Variants in SHCBP1 observed in about 807,000 individuals in gnomAD.
SHCBP1 encodes SHC SH2 domain-binding protein 1.
Under a neutral mutation model 75.1 loss-of-function variants are expected in SHCBP1, and 60 were observed. The ratio of observed to expected loss-of-function variants is 0.80; its 90% CI spans 0.65 to 0.99. SHCBP1 has a LOEUF of 0.99. Among genes scored for constraint, SHCBP1 ranks in the 50% least tolerant of loss-of-function variants. The pLI, the probability that SHCBP1 is intolerant of heterozygous loss-of-function variation, is 0.00. For missense variants in SHCBP1, 709 were observed against 809.4 expected (o/e 0.88, Z 1.50); for synonymous variants, 290 against 293.2 (o/e 0.99, Z 0.11).
chr16:46,587,651 C>T (rs753526766), intron 10 of SHCBP1, among the ~76,000 whole-genome samples: 3 of 152,026 alleles, frequency 2.0e-5, no homozygotes, highest in South Asian at 2.1e-4. Context: ...ACAGGAGCAC[C>T]GGATTCATAA....
chr16:46,611,708 T>C (rs1291584835), intron 4 of SHCBP1, among the ~76,000 whole-genome samples: 1 of 152,202 alleles, frequency 6.6e-6, no homozygotes, highest in Non-Finnish European at 1.5e-5. Flanking sequence ...ATTGGTTTCA[T>C]TAACATCACA....
At position 46,609,442 on chromosome 16, in the gene SHCBP1, CTTTTTTTTT is replaced by C. The variant is rs71158875; in HGVS notation, c.597-1062_597-1054del. 5.5e-3 allele frequency among the ~76,000 whole-genome samples: 337 copies of C among 61,384 alleles called. 2 individuals carry two copies. The highest frequency in any genetic ancestry group is 0.021 in the African/African-American group (320 of 15,004). The allele number at this position is 61,384 out of a possible 152,430, so 40.3% of individuals were successfully genotyped here. ...TCATCAGCATCCACACTTTTCTTTTCTTTTTTTTTTTTTTTTTTTTTTTTTTGAGATGGA... is the reference window on the plus strand; with the variant it reads ...TCATCAGCATCCACACTTTTCTTTTCTTTTTTTTTTTTTTTTTGAGATGGA... On this transcript the variant is annotated intron_variant, in intron 4 of 12. Coordinates refer to ENST00000303383, the MANE Select transcript of SHCBP1 (RefSeq NM_024745.5).
At chr16:46,598,811 T>G (rs967577086) in intron 9 of SHCBP1, among the ~76,000 whole-genome samples, 18 of 152,234 alleles carry the variant, frequency 1.2e-4, no homozygotes, top group Admixed American at 1.2e-3. Context: ...GTTTAGTGTA[T>G]CCACCTTCAT....
Position 46,599,972 on chromosome 16 carries a change from A to G in SHCBP1, c.1214-10T>C. ...TCTGGTAGGCCATATCCTAAGGAAG[A>G]GAGAGCAACAACACTCAAGATGGGT... On this transcript the variant is annotated splice_polypyrimidine_tract_variant and intron_variant, in intron 8 of 12. Transcript: ENST00000303383. 1 of 1,612,508 alleles carries G rather than the reference A, an allele frequency of 6.2e-7. No homozygotes were observed. Among genetic ancestry groups the G allele is most frequent in the Non-Finnish European group, 8.5e-7 (1 of 1,179,476 alleles).
At chr16:46,606,034 A>T (rs2143000832) in intron 5 of SHCBP1, among the ~76,000 whole-genome samples, 1 of 152,282 alleles carries the variant, frequency 6.6e-6, no homozygotes, top group Middle Eastern at 3.4e-3. Flanking sequence ...GGATGAAACC[A>T]TGTTCTACTA....
chr16:46,588,173 T>C (rs957628135), intron 10 of SHCBP1, among the ~76,000 whole-genome samples: 1 of 151,124 alleles, frequency 6.6e-6, no homozygotes, highest in African/African-American at 2.4e-5. Context: ...TAAAGCAGTG[T>C]GTAGAAGGAA....
Position 46,595,543 on chromosome 16 carries a change from A to C in SHCBP1, c.1464+9T>G. On this transcript the variant is annotated intron_variant, in intron 10 of 12. Transcript: ENST00000303383. ...CAAACTACTTCCCCAAGAGGACAAG[A>C]GCTTCTACCTTGGCGCCATATAAAT... 7 of 1,604,788 alleles carry C rather than the reference A, an allele frequency of 4.4e-6. No homozygotes were observed. Among genetic ancestry groups the C allele is most frequent in the Non-Finnish European group, 6.0e-6 (7 of 1,171,664 alleles).
chr16:46,617,738 C>A lies in SHCBP1; in HGVS notation c.283G>T (p.Ala95Ser). ...GCTGTGAATTCCTGTACCTCAGAGG[C>A]CTTGCAGTCAGCTACAAACAAATTA... ...YQDYILADCK[A>S]SEVQEFTAEF... The change falls in exon 3 of 13, where the codon GCC (alanine) becomes TCC (serine). Residue 95 changes from alanine to serine, a missense_variant. Coordinates refer to ENST00000303383, the MANE Select transcript of SHCBP1 (RefSeq NM_024745.5). 6.2e-7 allele frequency: 1 copy of A among 1,612,114 alleles called. No homozygotes were observed. Among genetic ancestry groups the A allele is most frequent in the Non-Finnish European group, 8.5e-7 (1 of 1,179,676 alleles).
intron 4 of SHCBP1, among the ~76,000 whole-genome samples, chr16:46,613,797 G>T (rs1190111696): frequency 6.6e-6 from 1 of 152,178 alleles, no homozygotes; most frequent in Non-Finnish European, 1.5e-5. Flanking sequence ...TCATGCACCA[G>T]ACATACCCCA....
At position 46,595,583 on chromosome 16, in the gene SHCBP1, A is replaced by T; in HGVS notation, c.1433T>A (p.Leu478Gln). The T allele has an allele frequency of 6.2e-7, 1 of 1,614,176 alleles. No homozygotes were observed. Among genetic ancestry groups the T allele is most frequent in the Non-Finnish European group, 8.5e-7 (1 of 1,180,016 alleles). ...GVTVRTSAEFLMKNSDLYGAK... is the reference protein window; with the variant it reads ...GVTVRTSAEFQMKNSDLYGAK... ...GCCATATAAATCCGAGTTCTTCATTAGAAACTCTGCTGATGTCCGCACTGT... is the reference window on the plus strand; with the variant it reads ...GCCATATAAATCCGAGTTCTTCATTTGAAACTCTGCTGATGTCCGCACTGT... The change falls in exon 10 of 13, where the codon CTA becomes CAA. Residue 478 changes from leucine to glutamine, a missense_variant. By Grantham distance (113) the Leu-to-Gln change is moderately radical. Coordinates refer to ENST00000303383, the MANE Select transcript of SHCBP1 (RefSeq NM_024745.5).
At chr16:46,618,978 G>A (rs913557334) in intron 1 of SHCBP1, among the ~76,000 whole-genome samples, 1 of 152,310 alleles carries the variant, frequency 6.6e-6, no homozygotes, top group South Asian at 2.1e-4. Flanking sequence ...CTTCCTCTCA[G>A]ATGGGTTAAG....
At position 46,603,521 on chromosome 16, in the gene SHCBP1, T is replaced by C. The variant is rs768785118; in HGVS notation, c.1213+18A>G. The stretch of plus-strand genomic sequence containing the variant: ...CATATCACGTGTGAGAGTTTGGTTG[T>C]GTGTCTTCCATACTCACCTTCCAAC... On this transcript the variant is annotated intron_variant, in intron 8 of 12. Transcript: ENST00000303383. 3.1e-6 allele frequency: 5 copies of C among 1,613,946 alleles called. No individual in the cohort carries two copies. In the South Asian group the frequency reaches 5.5e-5, roughly 18 times the overall value.
At chr16:46,613,309 C>T (rs1054168398) in intron 4 of SHCBP1, among the ~76,000 whole-genome samples, 2 of 152,192 alleles carry the variant, frequency 1.3e-5, no homozygotes, top group Non-Finnish European at 2.9e-5. Flanking sequence ...GCCTAGGCAA[C>T]AGAATAATAC....
chr16:46,617,668 AC>A lies in SHCBP1; in HGVS notation c.352del (p.Val118SerfsTer21). The A allele has an allele frequency of 6.2e-7, 1 of 1,613,868 alleles. No homozygotes were observed. Among genetic ancestry groups the A allele is most frequent in the Non-Finnish European group, 8.5e-7 (1 of 1,180,036 alleles). Reference sequence around the variant, plus strand: ...CACCTTGAACACATTAGTGTGCCAGACTGCCCGCCATCCAGATGGCTCAAGG... The same window carrying A: ...CACCTTGAACACATTAGTGTGCCAGATGCCCGCCATCCAGATGGCTCAAGG... ...KVLEPSGWRA[V>X]WHTNVFKVLV... is the part of the protein sequence containing the mutation. On this transcript the variant is annotated frameshift_variant, in exon 3 of 13. Coordinates refer to ENST00000303383, the MANE Select transcript of SHCBP1 (RefSeq NM_024745.5). LOFTEE classifies it high-confidence loss of function.
At chr16:46,609,734 G>C (rs956460112) in intron 4 of SHCBP1, among the ~76,000 whole-genome samples, 1 of 151,826 alleles carries the variant, frequency 6.6e-6, no homozygotes, top group Non-Finnish European at 1.5e-5. Context: ...TTACAGGCAT[G>C]AGCCACCGTG....
intron 9 of SHCBP1, 28 bp downstream of exon 9, chr16:46,599,803 A>G: frequency 6.4e-7 from 1 of 1,571,044 alleles, no homozygotes; most frequent in East Asian, 2.3e-5. Flanking sequence ...CTTAGAACAA[A>G]TGATATACCA....
chr16:46,584,778 A>T (rs977785324), intron 10 of SHCBP1, among the ~76,000 whole-genome samples: 1 of 152,230 alleles, frequency 6.6e-6, no homozygotes, highest in Non-Finnish European at 1.5e-5. Flanking sequence ...GCACTCTGGA[A>T]AACAAAAATG....
chr16:46,616,097 G>C lies in SHCBP1; in HGVS notation c.445C>G (p.Leu149Val), dbSNP rs763862767. 38 of 1,614,136 alleles carry C rather than the reference G, an allele frequency of 2.4e-5. No individual in the cohort carries two copies. Among genetic ancestry groups the C allele is most frequent in the Non-Finnish European group, 3.2e-5 (38 of 1,180,030 alleles). Residue 149 changes from leucine to valine, a missense_variant, in exon 4 of 13, where the codon CTC (leucine) becomes GTC (valine). Physicochemically the swap from Leu to Val is conservative, Grantham distance 32. Coordinates refer to ENST00000303383, the MANE Select transcript of SHCBP1 (RefSeq NM_024745.5). This position sits in a 1 kb window ranked among gnomAD's most constrained non-coding sequence, Gnocchi z 4.4. Reference sequence around the variant, plus strand: ...AAAGTGCTCACTTGAGAGTCACAGAGGTATGGTTCAGCAAGCCTCACCACT... The same window carrying C: ...AAAGTGCTCACTTGAGAGTCACAGACGTATGGTTCAGCAAGCCTCACCACT... ...KAVVRLAEPY[L>V]CDSQVSTFTM...
intron 4 of SHCBP1, among the ~76,000 whole-genome samples, 193 bp from the exon 5 acceptor site, chr16:46,608,582 T>A (rs1252354650): frequency 1.4e-5 from 2 of 147,784 alleles, no homozygotes; most frequent in East Asian, 4.0e-4. Flanking sequence ...GAGAAGTTTC[T>A]CCACACTGGT....
Sources: gnomAD v4.1 joint callset for allele counts (sites outside exome capture counted in the v4.1 genomes callset) on GRCh38, gnomAD v4.1.1 for gene constraint, Gnocchi (gnomAD v3.1) non-coding constraint, MANE v1.5 for transcripts, NCBI Gene and HGNC (gene_info 2026-07-23, HGNC 2026-07-21) for gene names.